ANKS1B: variants seen among roughly 807,000 people sequenced by gnomAD.
The protein encoded by ANKS1B is ankyrin repeat and sterile alpha motif domain containing 1B, also known as ankyrin repeat and sterile alpha motif domain-containing protein 1B.
ANKS1B carries 36 observed loss-of-function variants against 148.3 expected under a neutral mutation model. That is an observed-to-expected ratio of 0.24 (90% CI 0.19 to 0.32). ANKS1B has a LOEUF of 0.32. Ranked by LOEUF, ANKS1B falls within the 10% of genes least tolerant of loss-of-function variation. The probability of loss-of-function intolerance (pLI) is 1.00; values close to 1 mark genes in which losing one functional copy is unlikely to be tolerated. For missense variants in ANKS1B, 1,157 were observed against 1,542.6 expected (o/e 0.75, Z 4.19); for synonymous variants, 542 against 560.8 (o/e 0.97, Z 0.47).
chr12:99,034,660 CTTG>C (rs2099954405), intron 17 of ANKS1B, among the ~76,000 whole-genome samples: 1 of 152,096 alleles, frequency 6.6e-6, no homozygotes, highest in Non-Finnish European at 1.5e-5. Flanking sequence ...CATGTGAAGT[CTTG>C]TTGATGAAAG....
Position 98,744,657 on chromosome 12 carries a change from T to C in ANKS1B, c.*1082A>G. 1 of 923,910 alleles carries C rather than the reference T, an allele frequency of 1.1e-6. No homozygotes were observed. Among genetic ancestry groups the C allele is most frequent in the Non-Finnish European group, 1.3e-6 (1 of 773,954 alleles). 57.2% of individuals were successfully genotyped at this position (923,910 alleles called of 1,614,324 possible). On this transcript the variant is annotated 3_prime_UTR_variant, in exon 27 of 27. Coordinates refer to ENST00000683438, the MANE Select transcript of ANKS1B (RefSeq NM_001352186.2). ...TTTTTTTTGTTTGTCTCAAGAAAAG[T>C]TTTATTACTTTGGAATTTCTTCTTT... is the stretch of plus-strand genomic sequence containing the variant.
intron 15 of ANKS1B, among the ~76,000 whole-genome samples, chr12:99,148,080 G>A (rs1285414108): frequency 1.3e-5 from 2 of 152,058 alleles, no homozygotes; most frequent in African/African-American, 4.8e-5. Context: ...TGAGAGATTT[G>A]TCTTTTTAAA....
At chr12:98,850,459 A>ATTTTGT (rs2099516991) in intron 17 of ANKS1B, among the ~76,000 whole-genome samples, 1 of 70,486 alleles carries the variant, frequency 1.4e-5, no homozygotes, top group Non-Finnish European at 2.5e-5. Flanking sequence ...GAAGCATTGC[A>ATTTTGT]TTTTTTTTTT....
chr12:99,383,699 C>T (rs1032444439), intron 12 of ANKS1B, among the ~76,000 whole-genome samples: 1 of 152,070 alleles, frequency 6.6e-6, no homozygotes, highest in Non-Finnish European at 1.5e-5. Flanking sequence ...CCTTGCATAA[C>T]AGTCATTAGG....
chr12:99,152,609 A>G (rs2075236664), intron 15 of ANKS1B, among the ~76,000 whole-genome samples: 1 of 152,136 alleles, frequency 6.6e-6, no homozygotes, highest in South Asian at 2.1e-4. Context: ...TTTGCTCATA[A>G]GTGTTTAACA....
chr12:99,233,550 C>T (rs926599362), intron 14 of ANKS1B, among the ~76,000 whole-genome samples: 1 of 152,108 alleles, frequency 6.6e-6, no homozygotes, highest in African/African-American at 2.4e-5. Context: ...AATCCTACAC[C>T]AATACTGATT....
chr12:99,971,295 A>G (rs2095555176), intron 1 of ANKS1B, among the ~76,000 whole-genome samples: 1 of 152,232 alleles, frequency 6.6e-6, no homozygotes, highest in South Asian at 2.1e-4. Context: ...TCAATAGCCA[A>G]AGCAGGCTAA....
At chr12:99,069,433 G>C (rs896391075) in intron 16 of ANKS1B, among the ~76,000 whole-genome samples, 1 of 152,142 alleles carries the variant, frequency 6.6e-6, no homozygotes, top group African/African-American at 2.4e-5. Flanking sequence ...TTACCTCTTA[G>C]TATTTAGAAA....
chr12:98,804,780 A>G (rs1481025998), intron 20 of ANKS1B, among the ~76,000 whole-genome samples: 1 of 152,220 alleles, frequency 6.6e-6, no homozygotes, highest in Non-Finnish European at 1.5e-5. Context: ...AATCATTTTG[A>G]ACTTTGAAGC....
In ANKS1B at chr12:99,952,477, GT is replaced by G. The variant is rs374715348; in HGVS notation, c.134+31626del. On this transcript the variant is annotated intron_variant, in intron 1 of 26. Coordinates refer to ENST00000683438, the MANE Select transcript of ANKS1B (RefSeq NM_001352186.2). ...TACCTGTTTCATAGCATCCGTTCTTGTTTTAAAAGTACAATATCTTCTCTTA... is the reference window on the plus strand; with the variant it reads ...TACCTGTTTCATAGCATCCGTTCTTGTTTAAAAGTACAATATCTTCTCTTA... Among the ~76,000 whole-genome samples the G allele has an allele frequency of 3.3e-3, 502 of 152,134 alleles. 5 individuals are homozygous for G. Among genetic ancestry groups the G allele is most frequent in the African/African-American group, 0.011 (474 of 41,504 alleles).
At chr12:99,183,748 T>C (rs1209088876) in intron 14 of ANKS1B, among the ~76,000 whole-genome samples, 1 of 152,166 alleles carries the variant, frequency 6.6e-6, no homozygotes, top group African/African-American at 2.4e-5. Context: ...CCCTGAGACT[T>C]TGACATACTA....
chr12:99,616,772 A>G (rs766178689), intron 9 of ANKS1B, among the ~76,000 whole-genome samples: 8 of 152,230 alleles, frequency 5.3e-5, no homozygotes, highest in Non-Finnish European at 8.8e-5. Flanking sequence ...AATGGCAACA[A>G]AAGCCAAAAT....
chr12:98,872,968 T>TGA (rs1356765107), intron 17 of ANKS1B, among the ~76,000 whole-genome samples: 1 of 152,202 alleles, frequency 6.6e-6, no homozygotes, highest in East Asian at 1.9e-4. Flanking sequence ...AATACAAAGA[T>TGA]GAGAAGGTCT....
intron 1 of ANKS1B, among the ~76,000 whole-genome samples, chr12:99,850,312 T>TCTCTCTCTCTCTCTCTCTCTCTCC (rs1209146708): frequency 6.6e-6 from 1 of 151,690 alleles, no homozygotes; most frequent in Non-Finnish European, 1.5e-5. Context: ...TCTCTCTCTC[T>TCTCTCTCTCTCTCTCTCTCTCTCC]CTCTCTCACC....
At chr12:99,218,944 A>G (rs1174158968) in intron 14 of ANKS1B, among the ~76,000 whole-genome samples, 1 of 152,242 alleles carries the variant, frequency 6.6e-6, no homozygotes, top group East Asian at 1.9e-4. Context: ...CTATATACGT[A>G]TTATACATAA....
intron 8 of ANKS1B, among the ~76,000 whole-genome samples, chr12:99,663,422 C>A (rs530268089): frequency 6.6e-6 from 1 of 152,246 alleles, no homozygotes; most frequent in African/African-American, 2.4e-5. Context: ...TCAAAATTTT[C>A]TGAAAATTAC....
chr12:98,944,235 G>A (rs550425626), intron 17 of ANKS1B, among the ~76,000 whole-genome samples: 2 of 149,636 alleles, frequency 1.3e-5, no homozygotes, highest in South Asian at 4.2e-4. Flanking sequence ...GGGAGGCAGA[G>A]GTTGCAGTGA....
intron 12 of ANKS1B, among the ~76,000 whole-genome samples, chr12:99,332,399 C>G (rs748541427): frequency 1.1e-4 from 17 of 152,000 alleles, no homozygotes; most frequent in Non-Finnish European, 1.9e-4. Context: ...TAAACACAGG[C>G]CCTATTCTCA....
intron 1 of ANKS1B, among the ~76,000 whole-genome samples, chr12:99,952,690 T>C (rs1177486726): frequency 6.6e-6 from 1 of 152,314 alleles, no homozygotes; most frequent in East Asian, 1.9e-4. Flanking sequence ...CCAGTTTTTG[T>C]GGTGCCGGGA....
Sources: gnomAD v4.1 joint callset for allele counts (sites outside exome capture counted in the v4.1 genomes callset) on GRCh38, gnomAD v4.1.1 for gene constraint, MANE v1.5 for transcripts, NCBI Gene and HGNC (gene_info 2026-07-23, HGNC 2026-07-21) for gene names.